KLC1: variants seen among roughly 807,000 people sequenced by gnomAD.
KLC1 encodes kinesin 2 60/70kDa.
KLC1 carries 30 observed loss-of-function variants against 84.2 expected under a neutral mutation model. The ratio of observed to expected loss-of-function variants is 0.36; its 90% CI spans 0.27 to 0.48. The LOEUF (loss-of-function observed/expected upper bound fraction) is 0.48, where lower values mean the gene tolerates loss of function less well. Among genes scored for constraint, KLC1 ranks in the 20% least tolerant of loss-of-function variants. The pLI is 0.99. For synonymous variants in KLC1, 289 were observed against 293.3 expected (o/e 0.99, Z 0.15); for missense variants, 499 against 805.4 (o/e 0.62, Z 4.60).
chr14:103,699,050 AGGCTTGGTGGCCCCG>A, intron 15 of KLC1: 1 of 1,566,770 alleles, frequency 6.4e-7, no homozygotes, highest in Non-Finnish European at 8.7e-7. Flanking sequence ...GCTGGCGCTC[AGGCTTGGTGGCCCCG>A]CCCACTTCGG....
intron 15 of KLC1, chr14:103,695,697 G>GTGTGGGGCCTC: frequency 1.0e-6 from 1 of 985,488 alleles, no homozygotes. Flanking sequence ...AGACGAGGTT[G>GTGTGGGGCCTC]TGTGGGGCCT....
chr14:103,670,580 C>T (rs1317385339), intron 7 of KLC1, among the ~76,000 whole-genome samples: 1 of 151,376 alleles, frequency 6.6e-6, no homozygotes, highest in Non-Finnish European at 1.5e-5. Context: ...CCTGATCCGC[C>T]CGCCTTGGCC....
At chr14:103,685,755 G>C in intron 13 of KLC1, 1 of 1,280,610 alleles carries the variant, frequency 7.8e-7, no homozygotes, top group South Asian at 1.2e-5. Context: ...TCTTGTCAGA[G>C]CTGCACCTCT....
chr14:103,654,540 T>C, intron 1 of KLC1, 24 bp from the exon 2 acceptor site: 2 of 1,562,166 alleles, frequency 1.3e-6, no homozygotes, highest in Non-Finnish European at 1.7e-6. Context: ...AGGGATCTAA[T>C]TTCTTTTTCT....
chr14:103,659,098 C>T (rs1173438036), intron 3 of KLC1, among the ~76,000 whole-genome samples: 1 of 152,112 alleles, frequency 6.6e-6, no homozygotes, highest in Non-Finnish European at 1.5e-5. Flanking sequence ...CCTTCTCAGC[C>T]TTCCAAGTAG....
intron 5 of KLC1, among the ~76,000 whole-genome samples, chr14:103,666,478 G>T (rs2079840493): frequency 6.6e-6 from 1 of 152,194 alleles, no homozygotes; most frequent in African/African-American, 2.4e-5. Context: ...AGTTCCAGTT[G>T]AGGCTGACTG....
At chr14:103,698,744 G>A (rs1383181651) in intron 15 of KLC1, 13 of 1,504,252 alleles carry the variant, frequency 8.6e-6, no homozygotes, top group Admixed American at 7.8e-5. Flanking sequence ...TTAAAGGCCC[G>A]AGCCCCGTGT....
In KLC1 at chr14:103,637,981, A is replaced by G. The variant is rs546394421; in HGVS notation, c.-2+8487A>G. Among the ~76,000 whole-genome samples, 3 of 152,194 alleles carry G rather than the reference A, an allele frequency of 2.0e-5. No individual in the cohort carries two copies. The East Asian group carries it at 5.8e-4, about 29-fold the overall frequency. ...GCTGGGATTACAGACGTAAGCCACT[A>G]TGCTGGGCCACCAAGATACTATTTA... On this transcript the variant is annotated intron_variant, in intron 1 of 16. Transcript: ENST00000334553.
At chr14:103,647,616 G>A (rs1039360961) in intron 1 of KLC1, among the ~76,000 whole-genome samples, 1 of 152,000 alleles carries the variant, frequency 6.6e-6, no homozygotes, top group Non-Finnish European at 1.5e-5. Context: ...GGTGGCTCAC[G>A]CCTGTAATCC....
At chr14:103,655,100 G>A (rs1240972074) in intron 2 of KLC1, among the ~76,000 whole-genome samples, 4 of 151,894 alleles carry the variant, frequency 2.6e-5, no homozygotes, top group Admixed American at 6.6e-5. Flanking sequence ...GGTGGCTGGC[G>A]TGTGTAATCC....
chr14:103,634,541 A>G (rs1365643464), intron 1 of KLC1, among the ~76,000 whole-genome samples: 1 of 152,112 alleles, frequency 6.6e-6, no homozygotes, highest in African/African-American at 2.4e-5. Context: ...CAGAGACTGC[A>G]TCATATCGTT....
chr14:103,699,403 C>T (rs566710190), intron 15 of KLC1: 1 of 1,612,114 alleles, frequency 6.2e-7, no homozygotes, highest in Non-Finnish European at 8.5e-7. Context: ...AGGCACTGCT[C>T]AGCTCACGCA....
intron 4 of KLC1, 71 bp downstream of exon 4, chr14:103,662,265 G>A: frequency 8.2e-7 from 1 of 1,226,492 alleles, no homozygotes; most frequent in Non-Finnish European, 1.2e-6. Flanking sequence ...CACGGTCATA[G>A]CAATCAGTGG....
chr14:103,637,179 T>G (rs939217958), intron 1 of KLC1, among the ~76,000 whole-genome samples: 11 of 152,144 alleles, frequency 7.2e-5, no homozygotes, highest in Non-Finnish European at 1.6e-4. Context: ...TTTTTGGTAG[T>G]GCCTTTTAAT....
intron 3 of KLC1, among the ~76,000 whole-genome samples, chr14:103,661,763 G>C (rs1293080172): frequency 6.6e-6 from 1 of 152,076 alleles, no homozygotes; most frequent in Admixed American, 6.6e-5. Context: ...ATTTTCACCT[G>C]TTGCTACATA....
rs1364620407 is a variant in KLC1, at chr14:103,693,196, G to C, written c.1848+771G>C. Among the ~76,000 whole-genome samples the C allele has an allele frequency of 6.6e-6, 1 of 152,008 alleles. No individual in the cohort carries two copies. The highest frequency in any genetic ancestry group is 1.5e-5 in the Non-Finnish European group (1 of 68,006). ...CAGATCCACTAATCCTCACAGACAG[G>C]CCAGTGCCCCGACCTGTCCCCCAAC... On this transcript the variant is annotated intron_variant, in intron 15 of 16. Transcript: ENST00000334553. This position sits in a 1 kb window ranked among gnomAD's most constrained non-coding sequence, Gnocchi z 5.1.
chr14:103,668,895 A>G (rs2080131877), intron 5 of KLC1, among the ~76,000 whole-genome samples: 1 of 151,874 alleles, frequency 6.6e-6, no homozygotes. Flanking sequence ...CTCCTGCCTC[A>G]GCCTCCCGAG....
intron 12 of KLC1, 78 bp from the exon 13 acceptor site, chr14:103,679,306 T>TTTTTTA: frequency 7.1e-7 from 1 of 1,405,392 alleles, no homozygotes; most frequent in Non-Finnish European, 9.7e-7. Flanking sequence ...TTTTTTTTTC[T>TTTTTTA]AGCGAAGTAT....
At chr14:103,684,964 G>C in intron 13 of KLC1, 1 of 880,500 alleles carries the variant, frequency 1.1e-6, no homozygotes, top group Non-Finnish European at 1.9e-6. Flanking sequence ...TTGGTAACAA[G>C]TGTTATTTTT....
Sources: gnomAD v4.1 joint callset for allele counts (sites outside exome capture counted in the v4.1 genomes callset) on GRCh38, gnomAD v4.1.1 for gene constraint, Gnocchi (gnomAD v3.1) non-coding constraint, MANE v1.5 for transcripts, NCBI Gene and HGNC (gene_info 2026-07-23, HGNC 2026-07-21) for gene names.